The following GABRG2 variants were observed in gnomAD, a reference collection of about 807,000 sequenced individuals.
GABRG2 encodes the protein gamma-aminobutyric acid receptor subunit gamma-2.
Under a neutral mutation model 56.4 loss-of-function variants are expected in GABRG2, and 16 were observed. The ratio of observed to expected loss-of-function variants is 0.28; its 90% confidence interval spans 0.19 to 0.43. The LOEUF (loss-of-function observed/expected upper bound fraction) is 0.43. GABRG2 is among the 20% of genes least tolerant of loss of function. The pLI is 1.00. For synonymous variants in GABRG2, 208 were observed against 205.5 expected, an observed-to-expected ratio of 1.01 and a Z score of -0.10; for missense variants, 327 against 582.7, an observed-to-expected ratio of 0.56 and a Z score of 4.52.
intron 7 of GABRG2, among the ~76,000 whole-genome samples, chr5:162,148,470 TA>T (rs1451856665): frequency 6.6e-6 from 1 of 152,224 alleles, no homozygotes; most frequent in Non-Finnish European, 1.5e-5. Context: ...GCATGTCACT[TA>T]CACATAACCC....
chr5:162,131,963 T>C (rs1763786170), intron 6 of GABRG2, among the ~76,000 whole-genome samples: 1 of 151,426 alleles, frequency 6.6e-6, no homozygotes, highest in Admixed American at 6.7e-5. Flanking sequence ...AAAACTTAGG[T>C]TTTGGGTGGC....
chr5:162,075,091 G>A (rs1758988761), intron 1 of GABRG2, among the ~76,000 whole-genome samples: 1 of 152,106 alleles, frequency 6.6e-6, no homozygotes, highest in African/African-American at 2.4e-5. Flanking sequence ...ACCTAGCTGC[G>A]AGGAGGGGGA....
chr5:162,090,542 T>C (rs1442268507), intron 1 of GABRG2, among the ~76,000 whole-genome samples: 2 of 152,134 alleles, frequency 1.3e-5, no homozygotes, highest in African/African-American at 4.8e-5. Context: ...GGCCCCAGGC[T>C]CTCACTAAGG....
intron 6 of GABRG2, among the ~76,000 whole-genome samples, chr5:162,111,069 C>G (rs1248673658): frequency 6.6e-6 from 1 of 152,020 alleles, no homozygotes; most frequent in Non-Finnish European, 1.5e-5. Flanking sequence ...CTGATATAAC[C>G]AAGGTTACAC....
chr5:162,154,615 A>G lies in GABRG2; in HGVS notation c.*1247A>G, dbSNP rs1014440703. On this transcript the variant is annotated 3_prime_UTR_variant, in exon 10 of 10. Coordinates refer to ENST00000639213, the MANE Select transcript of GABRG2 (RefSeq NM_198904.4). ...AAGTCCATACTCCTTTTAAAACAAT[A>G]TTTATGTCCTATGTTTGTGTATAGA... 1 of 152,150 alleles carries G rather than the reference A, an allele frequency of 6.6e-6. No individual in the cohort carries two copies. The highest frequency in any genetic ancestry group is 1.5e-5 in the Non-Finnish European group (1 of 68,020). The allele number at this position is 152,150 out of a possible 1,614,324, so 9.4% of individuals were successfully genotyped here.
At position 162,149,013 on chromosome 5, in the gene GABRG2, A is replaced by G. The variant is rs77543973; in HGVS notation, c.923-95A>G. Reference sequence around the variant, plus strand: ...TCCTTTCCCATTGCTGAAACTGCCCATCAGAAGTCATGAAACAATGTAGTC... The same window carrying G: ...TCCTTTCCCATTGCTGAAACTGCCCGTCAGAAGTCATGAAACAATGTAGTC... On this transcript the variant is annotated intron_variant, in intron 7 of 9. Transcript: ENST00000639213. 1.0e-3 allele frequency: 1,169 copies of G among 1,120,982 alleles called. 10 individuals are homozygous for G. The African/African-American group carries it at 0.016, about 16-fold the overall frequency. The allele number at this position is 1,120,982 out of a possible 1,614,324, so 69.4% of individuals were successfully genotyped here.
chr5:162,152,733 C>T, intron 9 of GABRG2: 1 of 524,800 alleles, frequency 1.9e-6, no homozygotes, highest in Non-Finnish European at 3.4e-6. Flanking sequence ...GTTCCACTCA[C>T]ATGCAGCACC....
In GABRG2 at chr5:162,154,391, A is replaced by G. The variant is rs1326235624; in HGVS notation, c.*1023A>G. 3 of 152,176 alleles carry G rather than the reference A, an allele frequency of 2.0e-5. No homozygotes were observed. The highest frequency in any genetic ancestry group is 2.9e-5 in the Non-Finnish European group (2 of 68,038). 9.4% of individuals were successfully genotyped at this position (152,176 alleles called of 1,614,324 possible). A position where few individuals can be genotyped will look rare whatever the true frequency, so the allele number is the denominator to read the frequency against. ...TGTAGCACCTTGCATAGTGCCTGGCATATAGTTGGTGCTCAATAAATATGG... is the reference window on the plus strand; with the variant it reads ...TGTAGCACCTTGCATAGTGCCTGGCGTATAGTTGGTGCTCAATAAATATGG... On this transcript the variant is annotated 3_prime_UTR_variant, in exon 10 of 10. Transcript: ENST00000639213.
intron 6 of GABRG2, among the ~76,000 whole-genome samples, chr5:162,116,089 A>C (rs1762597226): frequency 6.7e-6 from 1 of 148,672 alleles, no homozygotes; most frequent in South Asian, 2.2e-4. Context: ...TTATGAATTA[A>C]ACACCAAGGG....
At chr5:162,093,513 T>C (rs1025322226) in intron 1 of GABRG2, among the ~76,000 whole-genome samples, 13 of 152,130 alleles carry the variant, frequency 8.5e-5, no homozygotes, top group African/African-American at 3.1e-4. Context: ...TTCACACAAA[T>C]AGTTTTCTTA....
chr5:162,108,024 G>A (rs2103475), intron 6 of GABRG2, among the ~76,000 whole-genome samples: 84,435 of 152,004 alleles, frequency 0.56, 25,063 homozygotes, highest in South Asian at 0.69. Context: ...CTAACTACAT[G>A]CACCATAGCA....
chr5:162,126,199 T>C (rs1649303305), intron 6 of GABRG2, among the ~76,000 whole-genome samples: 1 of 151,938 alleles, frequency 6.6e-6, no homozygotes, highest in Admixed American at 6.6e-5. Context: ...CATATTAAGA[T>C]TAGACATGGT....
intron 6 of GABRG2, among the ~76,000 whole-genome samples, chr5:162,105,380 T>C (rs114625587): frequency 0.015 from 2,317 of 151,760 alleles, 54 homozygotes; most frequent in African/African-American, 0.053. Flanking sequence ...TAAAATGGCC[T>C]TCTGTTCCAT....
At chr5:162,120,329 C>T (rs1162837354) in intron 6 of GABRG2, among the ~76,000 whole-genome samples, 2 of 152,040 alleles carry the variant, frequency 1.3e-5, no homozygotes, top group African/African-American at 4.8e-5. Flanking sequence ...CCCTCATTCT[C>T]TCAGGGGTTC....
chr5:162,125,917 C>T (rs911860221), intron 6 of GABRG2, among the ~76,000 whole-genome samples: 31 of 151,624 alleles, frequency 2.0e-4, no homozygotes, highest in African/African-American at 7.3e-4. Flanking sequence ...AGATGTTGTT[C>T]CATAGTAAGA....
chr5:162,133,238 C>G (rs1041596243), intron 6 of GABRG2, among the ~76,000 whole-genome samples: 7 of 152,064 alleles, frequency 4.6e-5, no homozygotes, highest in African/African-American at 1.7e-4. Flanking sequence ...CTCTATGTAC[C>G]ACTTTTTCTA....
chr5:162,073,271 T>C (rs1232015874), intron 1 of GABRG2, among the ~76,000 whole-genome samples: 2 of 151,996 alleles, frequency 1.3e-5, no homozygotes, highest in African/African-American at 4.8e-5. Context: ...AATTAGGTTT[T>C]TTTTTTAATA....
At chr5:162,107,744 A>C (rs1262279931) in intron 6 of GABRG2, among the ~76,000 whole-genome samples, 2 of 152,184 alleles carry the variant, frequency 1.3e-5, no homozygotes, top group Non-Finnish European at 2.9e-5. Context: ...TAGAAGAACA[A>C]CCATTGCCCC....
intron 9 of GABRG2, 82 bp downstream of exon 9, chr5:162,151,835 T>G (rs1411180876): frequency 8.0e-7 from 1 of 1,245,424 alleles, no homozygotes; most frequent in African/African-American, 1.5e-5. Flanking sequence ...TTTATTTTGT[T>G]TTATGAGTAG....
Sources: gnomAD v4.1 joint callset for allele counts (sites outside exome capture counted in the v4.1 genomes callset) on GRCh38, gnomAD v4.1.1 for gene constraint, MANE v1.5 for transcripts, NCBI Gene and HGNC (gene_info 2026-07-23, HGNC 2026-07-21) for gene names.